Variants in CPOX observed in about 807,000 individuals in gnomAD.
The protein encoded by CPOX is coproporphyrinogen oxidase, also known as oxygen-dependent coproporphyrinogen-III oxidase, mitochondrial.
Under a neutral mutation model 48.9 loss-of-function variants are expected in CPOX, and 24 were observed. The ratio of observed to expected loss-of-function variants is 0.49; its 90% CI spans 0.36 to 0.69. CPOX has a LOEUF of 0.69. CPOX is among the 30% of genes least tolerant of loss of function. The pLI, the probability that CPOX is intolerant of heterozygous loss-of-function variation, is 0.00. For synonymous variants in CPOX, 249 were observed against 234.6 expected (o/e 1.06, Z -0.56); for missense variants, 549 against 597.3 (o/e 0.92, Z 0.84).
At chr3:98,592,833 T>G in intron 1 of CPOX, 116 bp downstream of exon 1, 1 of 1,167,074 alleles carries the variant, frequency 8.6e-7, no homozygotes, top group Non-Finnish European at 1.3e-6. Flanking sequence ...GGCCTCTCTG[T>G]GGGTACCCCC....
downstream of CPOX, among the ~76,000 whole-genome samples, chr3:98,576,371 C>A (rs115096401): frequency 0.011 from 1,613 of 152,278 alleles, 31 homozygotes; most frequent in African/African-American, 0.036. Flanking sequence ...CTCACTACCA[C>A]GAGAACAGCA....
chr3:98,576,311 C>G (rs1332912638), downstream of CPOX, among the ~76,000 whole-genome samples: 2 of 152,096 alleles, frequency 1.3e-5, no homozygotes, highest in Admixed American at 6.6e-5. Flanking sequence ...AAGTGCTGAG[C>G]AAAGAAGGGA....
At chr3:98,590,527 CTAA>C in intron 3 of CPOX, 102 bp downstream of exon 3, 1 of 831,736 alleles carries the variant, frequency 1.2e-6, no homozygotes, top group South Asian at 1.4e-5. Flanking sequence ...CCTGAAAGAC[CTAA>C]TTAAGACTAT....
chr3:98,582,529 G>C (rs566313619), intron 5 of CPOX, among the ~76,000 whole-genome samples: 1 of 143,824 alleles, frequency 7.0e-6, no homozygotes, highest in African/African-American at 2.6e-5. Flanking sequence ...ATCTTACTCT[G>C]TTGCCCAGGC....
intron 5 of CPOX, among the ~76,000 whole-genome samples, chr3:98,585,059 T>A (rs762315500): frequency 6.6e-6 from 1 of 152,180 alleles, no homozygotes; most frequent in Non-Finnish European, 1.5e-5. Flanking sequence ...TCCATTAAAA[T>A]AACTTCCGTG....
rs1707225513 is a variant in CPOX at position 98,580,139 on chromosome 3, T to C, written c.*544A>G. 1 of 976,860 alleles carries C rather than the reference T, an allele frequency of 1.0e-6. No homozygotes were observed. The allele number at this position is 976,860 out of a possible 1,614,324, so 60.5% of individuals were successfully genotyped here. A position where few individuals can be genotyped will look rare whatever the true frequency, so the allele number is the denominator to read the frequency against. On this transcript the variant is annotated 3_prime_UTR_variant, in exon 7 of 7. Transcript: ENST00000647941. ...TGCTTCTAAATACCTATTAGAAAAATGTGTATCTATTTGACAATATTATGT... is the reference window on the plus strand; with the variant it reads ...TGCTTCTAAATACCTATTAGAAAAACGTGTATCTATTTGACAATATTATGT...
intron 1 of CPOX, among the ~76,000 whole-genome samples, chr3:98,591,362 C>G (rs763754912): frequency 6.6e-6 from 1 of 152,164 alleles, no homozygotes; most frequent in South Asian, 2.1e-4. Flanking sequence ...TCTCATATCA[C>G]TAAACTGAAT....
At chr3:98,576,355 A>C (rs1456552105), downstream of CPOX, among the ~76,000 whole-genome samples, 4 of 152,166 alleles carry the variant, frequency 2.6e-5, no homozygotes, top group Non-Finnish European at 5.9e-5. Flanking sequence ...ATCCTGTGAG[A>C]ACTCACTCAC....
downstream of CPOX, among the ~76,000 whole-genome samples, chr3:98,574,723 C>T (rs1355224983): frequency 6.6e-6 from 1 of 152,092 alleles, no homozygotes; most frequent in African/African-American, 2.4e-5. Context: ...GGATTACAGG[C>T]GCCCATCACC....
chr3:98,570,974 G>T, the CPOX span, among the ~76,000 whole-genome samples: 1 of 152,090 alleles, frequency 6.6e-6, no homozygotes, highest in African/African-American at 2.4e-5. Flanking sequence ...TGTTCTGCAG[G>T]TTATTTTATC....
intron 5 of CPOX, among the ~76,000 whole-genome samples, chr3:98,584,417 A>G (rs906992139): frequency 6.6e-6 from 1 of 152,246 alleles, no homozygotes; most frequent in African/African-American, 2.4e-5. Context: ...GCATTCTTTA[A>G]GAAATTTCTA....
At position 98,593,493 on chromosome 3, in the gene CPOX, C is replaced by A; in HGVS notation, c.12G>T (p.Gln4His). 1 of 1,520,648 alleles carries A rather than the reference C, an allele frequency of 6.6e-7. No individual in the cohort carries two copies. Among genetic ancestry groups the A allele is most frequent in the Non-Finnish European group, 8.8e-7 (1 of 1,140,792 alleles). 94.2% of individuals were successfully genotyped at this position (1,520,648 alleles called of 1,614,324 possible). A position where few individuals can be genotyped will look rare whatever the true frequency, so the allele number is the denominator to read the frequency against. ...AGGGGCCCGAGCTCAGCCTGCCCAG[C>A]TGCAAGGCCATGTTCCCGCACTATC... is the stretch of plus-strand genomic sequence containing the variant. MAL[Q>H]LGRLSSGPCW... The change falls in exon 1 of 7, where the codon CAG (glutamine) becomes CAT (histidine). Residue 4 changes from glutamine (Q) to histidine (H), a missense_variant. Coordinates refer to ENST00000647941, the MANE Select transcript of CPOX (RefSeq NM_000097.7).
chr3:98,593,373 G>A lies in CPOX; in HGVS notation c.132C>T (p.Ala44=). Residue 44 remains alanine (A), a synonymous_variant, in exon 1 of 7, where the codon GCC becomes GCT. Transcript: ENST00000647941. The stretch of plus-strand genomic sequence containing the variant: ...GGCCAGGGGGCCGGCAGACGCGTCC[G>A]GCTGCGCTGCGCTGGGACCAGGCTC... ...GLRAWSQRSA[A]GRVCRPPGPA... 1 of 1,345,644 alleles carries A rather than the reference G, an allele frequency of 7.4e-7. No individual in the cohort carries two copies. The highest frequency in any genetic ancestry group is 3.1e-5 in the East Asian group (1 of 32,358). The allele number at this position is 1,345,644 out of a possible 1,614,324, so 83.4% of individuals were successfully genotyped here.
Position 98,593,545 on chromosome 3 carries a change from G to A in CPOX, c.-41C>T. The A allele has an allele frequency of 1.3e-6, 2 of 1,505,282 alleles. No individual in the cohort carries two copies. Among genetic ancestry groups the A allele is most frequent in the Non-Finnish European group, 1.8e-6 (2 of 1,130,844 alleles). The allele number at this position is 1,505,282 out of a possible 1,614,324, so 93.2% of individuals were successfully genotyped here. ...CCTGGAGCAGTGCCTGCGTCCCAGAGCCCTGCGTTTGAGCCCCCCACCCAG... is the reference window on the plus strand; with the variant it reads ...CCTGGAGCAGTGCCTGCGTCCCAGAACCCTGCGTTTGAGCCCCCCACCCAG... On this transcript the variant is annotated 5_prime_UTR_variant, in exon 1 of 7. Transcript: ENST00000647941.
chr3:98,571,708 A>C, the CPOX span, among the ~76,000 whole-genome samples: 1 of 151,432 alleles, frequency 6.6e-6, no homozygotes, highest in Non-Finnish European at 1.5e-5. Context: ...AGAAAAAAGA[A>C]AAAAAAGAAA....
rs1282281952 is a variant in CPOX at position 98,585,380 on chromosome 3, A to AT, written c.1172+60dup. On this transcript the variant is annotated intron_variant, in intron 5 of 6. Transcript: ENST00000647941. The stretch of plus-strand genomic sequence containing the variant: ...ATCTGACAACACAACACCCGCTATT[A>AT]TTAAGAGCTGCTCCACCTCCCCCAC... 14 of 1,323,404 alleles carry AT rather than the reference A, an allele frequency of 1.1e-5. No homozygotes were observed. The South Asian group carries it at 1.7e-4, about 16-fold the overall frequency. The allele number at this position is 1,323,404 out of a possible 1,614,324, so 82.0% of individuals were successfully genotyped here.
At chr3:98,585,346 T>C in intron 5 of CPOX, 95 bp downstream of exon 5, 1 of 951,540 alleles carries the variant, frequency 1.1e-6, no homozygotes. Flanking sequence ...AACACAACTA[T>C]TACAAAGTAT....
At chr3:98,589,801 TAC>T (rs1369259962) in intron 3 of CPOX, 1 of 152,302 alleles carries the variant, frequency 6.6e-6, no homozygotes, top group African/African-American at 2.4e-5. Context: ...TGCCATCACC[TAC>T]AGAGACACCA....
chr3:98,573,044 C>T, the CPOX span, among the ~76,000 whole-genome samples: 1 of 152,080 alleles, frequency 6.6e-6, no homozygotes, highest in African/African-American at 2.4e-5. Flanking sequence ...TCACACACAC[C>T]CCCTGGGGTA....
Sources: allele counts gnomAD v4.1 joint callset (sites outside exome capture counted in the v4.1 genomes callset), GRCh38; gene constraint gnomAD v4.1.1; transcripts MANE v1.5; gene names NCBI Gene and HGNC (gene_info 2026-07-23, HGNC 2026-07-21).